Variants in RIF1 observed in about 807,000 individuals in gnomAD.
RIF1 encodes replication timing regulatory factor 1.
RIF1 carries 45 observed loss-of-function variants against 247.1 expected under a neutral mutation model. That is an observed-to-expected ratio of 0.18 (90% CI 0.14 to 0.23). RIF1 has a LOEUF of 0.23. Among genes scored for constraint, RIF1 ranks in the 10% least tolerant of loss-of-function variants. The pLI is 1.00. For synonymous variants in RIF1, 1,087 were observed against 978.8 expected (o/e 1.11, Z -2.06); for missense variants, 2,967 against 2,862.5 (o/e 1.04, Z -0.83).
At position 151,496,065 on chromosome 2, in the gene RIF1, ACTT is replaced by A. The variant is rs373594030; in HGVS notation, c.*513+743_*513+745del. Reference sequence around the variant, plus strand: ...AGGATGTTTTATAGGAAAATCTGTTACTTCTTGATATTAGAACTTTATGGATTA... The same window carrying A: ...AGGATGTTTTATAGGAAAATCTGTTACTTGATATTAGAACTTTATGGATTA... On this transcript the variant is annotated intron_variant and NMD_transcript_variant, in intron 10 of 13. Coordinates refer to the RIF1 transcript ENST00000454583. 1.5e-3 allele frequency among the ~76,000 whole-genome samples: 232 copies of A among 152,312 alleles called. 1 individual carries two copies. The highest frequency in any genetic ancestry group is 5.3e-3 in the African/African-American group (222 of 41,570).
rs578039367 is a variant in RIF1, at chr2:151,451,170, G to A, written c.2245-436G>A. On this transcript the variant is annotated intron_variant, in intron 20 of 35. Transcript: ENST00000444746. ...CAGTCAACAACAGACCGCAAATCTAGTGCTACATATCCTAAGCAGAACGTT... is the reference window on the plus strand; with the variant it reads ...CAGTCAACAACAGACCGCAAATCTAATGCTACATATCCTAAGCAGAACGTT... Among the ~76,000 whole-genome samples the A allele has an allele frequency of 2.8e-4, 42 of 152,312 alleles. No individual in the cohort carries two copies. In the South Asian group the frequency reaches 8.5e-3, roughly 31 times the overall value.
Position 151,410,009 on chromosome 2 carries a change from G to A in RIF1, c.-35G>A, listed in dbSNP as rs775027344. On this transcript the variant is annotated 5_prime_UTR_variant, in exon 1 of 36. Coordinates refer to ENST00000444746, the MANE Select transcript of RIF1 (RefSeq NM_018151.5). ...CTGGGTGCTGAGGGGCAGAGGCGGA[G>A]AGAACCCTGTCCTGATCTTCCTAGG... The A allele has an allele frequency of 1.1e-5, 8 of 702,738 alleles. No individual in the cohort carries two copies. Among genetic ancestry groups the A allele is most frequent in the Non-Finnish European group, 2.1e-5 (8 of 384,914 alleles). 43.5% of individuals were successfully genotyped at this position (702,738 alleles called of 1,614,324 possible).
intron 12 of RIF1, chr2:151,506,108 A>C (rs2068664666): frequency 7.1e-7 from 1 of 1,400,974 alleles, no homozygotes; most frequent in African/African-American, 1.4e-5. Flanking sequence ...CTCATAGGTC[A>C]TTGTAAATTA....
intron 3 of RIF1, among the ~76,000 whole-genome samples, chr2:151,413,203 T>G (rs1188722548): frequency 6.6e-6 from 1 of 151,986 alleles, no homozygotes; most frequent in Non-Finnish European, 1.5e-5. Context: ...CTTTTTTTTT[T>G]GTATTTTTAG....
chr2:151,441,910 C>A lies in RIF1; in HGVS notation c.1653C>A (p.Leu551=). 1 of 1,515,506 alleles carries A rather than the reference C, an allele frequency of 6.6e-7. No individual in the cohort carries two copies. Among genetic ancestry groups the A allele is most frequent in the South Asian group, 1.2e-5 (1 of 83,558 alleles). 93.9% of individuals were successfully genotyped at this position (1,515,506 alleles called of 1,614,324 possible). ...EVFPVSKTLV[L]MEITIKGLPQ... is the part of the protein sequence containing the mutation. ...AAACCTTTTATCTCTCATAGGTCCT[C>A]ATGGAAATTACAATTAAAGGACTTC... The change falls in exon 16 of 36, where the codon CTC becomes CTA. Residue 551 remains leucine (L), a synonymous_variant. Transcript: ENST00000444746.
chr2:151,455,121 T>C lies in RIF1; in HGVS notation c.2571T>C (p.Thr857=). 6.2e-7 allele frequency: 1 copy of C among 1,613,014 alleles called. No homozygotes were observed. The highest frequency in any genetic ancestry group is 8.5e-7 in the Non-Finnish European group (1 of 1,179,380). ...LPSMIRKIFA[T]LTRPLALFYE... ...CTATGATCCGAAAAATATTTGCAAC[T>C]TTAACAAGACCTCTGGCATTATTTT... Residue 857 remains threonine (T), a synonymous_variant, in exon 22 of 36, where the codon ACT becomes ACC. Transcript: ENST00000444746.
chr2:151,492,727 G>C (rs114003449), intron 9 of RIF1: 4,525 of 343,070 alleles, frequency 0.013, 62 homozygotes, highest in Non-Finnish European at 0.017. Context: ...TTTCAAAGAA[G>C]GGGCACGGTA....
At chr2:151,445,315 CT>C (rs761846035) in intron 18 of RIF1, 22 bp from the exon 19 acceptor site, 13 of 1,323,682 alleles carry the variant, frequency 9.8e-6, no homozygotes, top group Non-Finnish European at 1.4e-5. Flanking sequence ...ATTTGTCTAA[CT>C]TCATTATTTT....
intron 29 of RIF1, 34 bp from the exon 30 acceptor site, chr2:151,462,848 CTG>C: frequency 1.4e-6 from 2 of 1,418,760 alleles, no homozygotes; most frequent in East Asian, 2.3e-5. Flanking sequence ...GGTTATTAAT[CTG>C]TGTGTGTATA....
At chr2:151,496,439 A>G in intron 10 of RIF1, 2 of 1,515,368 alleles carry the variant, frequency 1.3e-6, no homozygotes, top group South Asian at 2.5e-5. Flanking sequence ...TTTTAAGGGT[A>G]AGGTCAACTT....
At chr2:151,473,892 C>T (rs1250092456) in intron 34 of RIF1, 72 bp from the exon 35 acceptor site, 1 of 794,184 alleles carries the variant, frequency 1.3e-6, no homozygotes, top group East Asian at 2.5e-5. Flanking sequence ...TACTATTACT[C>T]CTATTAAAAG....
At chr2:151,428,486 A>G (rs1426789542) in intron 8 of RIF1, among the ~76,000 whole-genome samples, 3 of 151,914 alleles carry the variant, frequency 2.0e-5, no homozygotes, top group African/African-American at 4.8e-5. Flanking sequence ...CTGCTCTCCT[A>G]ATTTTCTGTT....
the RIF1 span, chr2:151,525,415 G>T: frequency 1.6e-6 from 1 of 635,386 alleles, no homozygotes; most frequent in Non-Finnish European, 2.7e-6. Context: ...CCATATTCTA[G>T]TTCTTCTCTG....
intron 3 of RIF1, among the ~76,000 whole-genome samples, chr2:151,414,452 A>G (rs969322065): frequency 2.6e-5 from 4 of 152,092 alleles, no homozygotes; most frequent in African/African-American, 4.8e-5. Context: ...ATGTCACTCC[A>G]CTCTAAAGCT....
intron 10 of RIF1, among the ~76,000 whole-genome samples, chr2:151,499,106 T>TTAAG (rs946116654): frequency 2.0e-5 from 3 of 152,254 alleles, no homozygotes; most frequent in South Asian, 2.1e-4. Context: ...ACTTTTTTTA[T>TTAAG]TAAGTTAAAT....
chr2:151,446,527 G>A lies in RIF1; in HGVS notation c.2196G>A (p.Glu732=). Residue 732 remains glutamate, a synonymous_variant, in exon 20 of 36, where the codon GAG becomes GAA. Transcript: ENST00000444746. ...VATAEENLCC[E]ELSSKIMSSL... is the part of the protein sequence containing the mutation. ...CAGCAGAAGAGAACTTGTGCTGTGAGGAACTTTCTTCCAAGATAATGTCCA... is the reference window on the plus strand; with the variant it reads ...CAGCAGAAGAGAACTTGTGCTGTGAAGAACTTTCTTCCAAGATAATGTCCA... 1 of 1,613,306 alleles carries A rather than the reference G, an allele frequency of 6.2e-7. No individual in the cohort carries two copies. The highest frequency in any genetic ancestry group is 8.5e-7 in the Non-Finnish European group (1 of 1,179,858).
rs1281859354 is a variant in RIF1 at position 151,442,607 on chromosome 2, A to G, written c.1734+616A>G. ...CGATAATACTGTTGGTTACTGCCAT[A>G]AATATTGGAAGCTAATGTAAAATGC... On this transcript the variant is annotated intron_variant, in intron 16 of 35. Coordinates refer to ENST00000444746, the MANE Select transcript of RIF1 (RefSeq NM_018151.5). 2.0e-5 allele frequency among the ~76,000 whole-genome samples: 3 copies of G among 152,100 alleles called. No individual in the cohort carries two copies. The East Asian group carries it at 5.8e-4, about 29-fold the overall frequency.
intron 27 of RIF1, 102 bp downstream of exon 27, chr2:151,461,391 A>ATTTTT: frequency 3.9e-6 from 3 of 774,294 alleles, no homozygotes; most frequent in East Asian, 3.6e-5. Context: ...ATGTGTACTA[A>ATTTTT]TTTTTTTTTT....
At chr2:151,420,166 T>G in intron 6 of RIF1, 24 bp from the exon 7 acceptor site, 1 of 1,594,696 alleles carries the variant, frequency 6.3e-7, no homozygotes, top group African/African-American at 1.3e-5. Context: ...TCACGCTAAT[T>G]ATTCATTGAT....
Sources: allele counts gnomAD v4.1 joint callset (sites outside exome capture counted in the v4.1 genomes callset), GRCh38; gene constraint gnomAD v4.1.1; transcripts MANE v1.5; gene names NCBI Gene and HGNC (gene_info 2026-07-23, HGNC 2026-07-21).